Variants in TBXAS1 observed in about 807,000 individuals in gnomAD.
The protein encoded by TBXAS1 is thromboxane A synthase 1.
A neutral mutation model predicts 60.7 loss-of-function variants in TBXAS1; 48 were observed. That is an observed-to-expected ratio of 0.79 (90% CI 0.63 to 1.01). TBXAS1 has a LOEUF of 1.01. Ranked by LOEUF, TBXAS1 falls within the 50% of genes least tolerant of loss-of-function variation. TBXAS1 has a pLI of 0.00. For missense variants in TBXAS1, 685 were observed against 686.3 expected, an observed-to-expected ratio of 1.00 and a Z score of 0.02; for synonymous variants, 287 against 269.7, an observed-to-expected ratio of 1.06 and a Z score of -0.63.
chr7:140,018,550 C>G (rs1018067557), intron 12 of TBXAS1, among the ~76,000 whole-genome samples: 1 of 152,110 alleles, frequency 6.6e-6, no homozygotes, highest in Non-Finnish European at 1.5e-5. Flanking sequence ...ACTTTTCCAG[C>G]CCTATCTCCC....
At chr7:139,786,061 T>G (rs1797184548) in intron 3 of TBXAS1, among the ~76,000 whole-genome samples, 2 of 149,724 alleles carry the variant, frequency 1.3e-5, no homozygotes, top group Admixed American at 1.4e-4. Flanking sequence ...GTTTTTTTTT[T>G]GTTTGTTTGT....
intron 1 of TBXAS1, among the ~76,000 whole-genome samples, chr7:139,833,732 T>C (rs1798875098): frequency 6.6e-6 from 1 of 151,558 alleles, no homozygotes; most frequent in African/African-American, 2.4e-5. Flanking sequence ...TATAGAATGG[T>C]AAAAGGCCTT....
At chr7:139,998,980 T>G (rs1731067744) in intron 9 of TBXAS1, among the ~76,000 whole-genome samples, 1 of 152,378 alleles carries the variant, frequency 6.6e-6, no homozygotes, top group East Asian at 1.9e-4. Flanking sequence ...TTCTCGAGTA[T>G]GGATGAATTT....
chr7:139,876,564 A>G (rs1420779988), intron 3 of TBXAS1, among the ~76,000 whole-genome samples: 1 of 152,048 alleles, frequency 6.6e-6, no homozygotes, highest in African/African-American at 2.4e-5. Flanking sequence ...TGGGGGTCCT[A>G]TCTCCATAGT....
At chr7:139,921,868 A>T (rs148551280) in intron 4 of TBXAS1, among the ~76,000 whole-genome samples, 10 of 152,242 alleles carry the variant, frequency 6.6e-5, no homozygotes, top group African/African-American at 2.4e-4. Context: ...AGCCCACGAG[A>T]GTAGGTGCAT....
chr7:139,920,166 C>A (rs1806340298), intron 4 of TBXAS1, among the ~76,000 whole-genome samples: 1 of 152,232 alleles, frequency 6.6e-6, no homozygotes, highest in Admixed American at 6.5e-5. Flanking sequence ...TGGGGTTCAT[C>A]CACATCTTCC....
At chr7:139,868,655 T>A (rs1295082789) in intron 1 of TBXAS1, among the ~76,000 whole-genome samples, 2 of 144,172 alleles carry the variant, frequency 1.4e-5, no homozygotes, top group African/African-American at 5.0e-5. Context: ...GGCTAATATT[T>A]TTTTTTTTTT....
intron 2 of TBXAS1, among the ~76,000 whole-genome samples, chr7:139,874,893 C>T (rs1249768172): frequency 1.3e-5 from 2 of 152,128 alleles, no homozygotes; most frequent in Non-Finnish European, 2.9e-5. Flanking sequence ...TCAGGAGTTC[C>T]AGACCAGCCT....
chr7:139,827,517 G>T (rs1182540678), upstream of TBXAS1, among the ~76,000 whole-genome samples: 3 of 148,976 alleles, frequency 2.0e-5, no homozygotes, highest in African/African-American at 7.7e-5. Context: ...TGTTGCCTGT[G>T]TACTTCTTTG....
intron 1 of TBXAS1, among the ~76,000 whole-genome samples, chr7:139,862,954 C>T (rs565526950): frequency 6.6e-5 from 10 of 152,308 alleles, no homozygotes; most frequent in South Asian, 2.1e-4. Flanking sequence ...TAGTGAATAA[C>T]GGCACTTGTC....
At chr7:139,873,883 C>A (rs2116823138) in intron 2 of TBXAS1, among the ~76,000 whole-genome samples, 1 of 152,270 alleles carries the variant, frequency 6.6e-6, no homozygotes, top group Admixed American at 6.5e-5. Context: ...CAAACAAAGG[C>A]AGGAAGACTA....
rs138063896 is a variant in TBXAS1, at chr7:139,850,762, T to C, written c.89+21283T>C. 2.6e-5 allele frequency among the ~76,000 whole-genome samples: 4 copies of C among 152,240 alleles called. No individual in the cohort carries two copies. In the East Asian group the frequency reaches 7.7e-4, roughly 29 times the overall value. ...GGACAGAGGGAGGACGACATGTAGA[T>C]ATAGTCACACAGGCGAGAACACTGT... On this transcript the variant is annotated intron_variant, in intron 1 of 12. Coordinates refer to ENST00000448866, the MANE Select transcript of TBXAS1 (RefSeq NM_001061.7).
At chr7:139,910,681 A>T (rs1805449160) in intron 3 of TBXAS1, among the ~76,000 whole-genome samples, 1 of 152,218 alleles carries the variant, frequency 6.6e-6, no homozygotes, top group South Asian at 2.1e-4. Flanking sequence ...GAGCTCCTTT[A>T]TATATAGGTG....
intron 3 of TBXAS1, among the ~76,000 whole-genome samples, chr7:139,786,841 G>A (rs947661048): frequency 1.3e-5 from 2 of 152,182 alleles, no homozygotes; most frequent in African/African-American, 4.8e-5. Flanking sequence ...CATGGGAAGA[G>A]GTGGTCCATT....
chr7:139,953,291 T>TA, intron 5 of TBXAS1, 77 bp from the exon 6 acceptor site: 1 of 1,192,242 alleles, frequency 8.4e-7, no homozygotes, highest in East Asian at 2.3e-5. Flanking sequence ...GCACTACATA[T>TA]AACCTCTTCA....
intron 3 of TBXAS1, among the ~76,000 whole-genome samples, chr7:139,889,592 C>A (rs1242250656): frequency 6.6e-6 from 1 of 152,298 alleles, no homozygotes; most frequent in East Asian, 1.9e-4. Context: ...ATTTATTTCT[C>A]ATAGTTGTGG....
At chr7:139,862,829 C>A (rs981059229) in intron 1 of TBXAS1, among the ~76,000 whole-genome samples, 1 of 152,210 alleles carries the variant, frequency 6.6e-6, no homozygotes, top group Non-Finnish European at 1.5e-5. Context: ...TATTAATACA[C>A]TTTTGGTTTC....
At chr7:139,886,386 A>ATTTTTTT (rs8192818) in intron 3 of TBXAS1, among the ~76,000 whole-genome samples, 4 of 99,640 alleles carry the variant, frequency 4.0e-5, no homozygotes, top group African/African-American at 4.1e-5. Flanking sequence ...TTGCAGATGA[A>ATTTTTTT]TTTTTTTTTT....
At chr7:139,829,209 T>A (rs763742782), upstream of TBXAS1, 16 of 699,726 alleles carry the variant, frequency 2.3e-5, no homozygotes, top group Middle Eastern at 3.5e-4. Context: ...TGTGCCCTCC[T>A]CTTCCTTCCT....
Sources: gnomAD v4.1 joint callset for allele counts (sites outside exome capture counted in the v4.1 genomes callset) on GRCh38, gnomAD v4.1.1 for gene constraint, MANE v1.5 for transcripts, NCBI Gene and HGNC (gene_info 2026-07-23, HGNC 2026-07-21) for gene names.